TAFA1: variants seen among roughly 807,000 people sequenced by gnomAD.
TAFA1 encodes the protein chemokine-like protein TAFA-1.
A neutral mutation model predicts 18.5 loss-of-function variants in TAFA1; 4 were observed. That is an observed-to-expected ratio of 0.22 (90% CI 0.11 to 0.49). The LOEUF is 0.49. Ranked by LOEUF, TAFA1 falls within the 20% of genes least tolerant of loss-of-function variation. The pLI is 0.98. For synonymous variants in TAFA1, 56 were observed against 55.2 expected (o/e 1.01, Z -0.06); for missense variants, 147 against 169.0 (o/e 0.87, Z 0.72).
chr3:68,165,195 C>G (rs892103345), intron 2 of TAFA1, among the ~76,000 whole-genome samples: 1 of 152,188 alleles, frequency 6.6e-6, no homozygotes, highest in African/African-American at 2.4e-5. Flanking sequence ...ATGAGTGACT[C>G]TCTGTATCAA....
intron 2 of TAFA1, among the ~76,000 whole-genome samples, chr3:68,019,940 C>G (rs1704653333): frequency 6.6e-6 from 1 of 152,174 alleles, no homozygotes; most frequent in Non-Finnish European, 1.5e-5. Context: ...ACCTCTGAAT[C>G]CTTCCAAGCA....
intron 2 of TAFA1, among the ~76,000 whole-genome samples, chr3:68,119,546 A>G (rs74567908): frequency 0.023 from 3,467 of 150,256 alleles, 47 homozygotes; most frequent in Middle Eastern, 0.041. Context: ...ATTTTTGTAT[A>G]TGGTATATGG....
At chr3:68,198,588 T>C (rs2066438581) in intron 2 of TAFA1, among the ~76,000 whole-genome samples, 2 of 146,826 alleles carry the variant, frequency 1.4e-5, no homozygotes, top group South Asian at 2.2e-4. Context: ...TGTAGTAATA[T>C]CTAATTTTTT....
intron 2 of TAFA1, among the ~76,000 whole-genome samples, chr3:68,289,235 TAACA>T (rs1355801330): frequency 6.6e-6 from 1 of 152,242 alleles, no homozygotes; most frequent in African/African-American, 2.4e-5. Context: ...TTATTTGTAT[TAACA>T]AAAGCCCACT....
At chr3:68,084,574 G>T (rs571503858) in intron 2 of TAFA1, among the ~76,000 whole-genome samples, 1 of 152,116 alleles carries the variant, frequency 6.6e-6, no homozygotes, top group East Asian at 1.9e-4. Context: ...GAGGCGGGTG[G>T]ATCACCTGAG....
intron 2 of TAFA1, among the ~76,000 whole-genome samples, chr3:68,031,076 A>C (rs1575582746): frequency 6.6e-6 from 1 of 152,280 alleles, no homozygotes; most frequent in African/African-American, 2.4e-5. Flanking sequence ...ATCAGTTTCA[A>C]GTTTTGGGAT....
chr3:68,353,541 A>G (rs1276603420), intron 2 of TAFA1, among the ~76,000 whole-genome samples: 1 of 152,032 alleles, frequency 6.6e-6, no homozygotes, highest in African/African-American at 2.4e-5. Flanking sequence ...GGACAAGTAT[A>G]TCATTTTGTA....
intron 2 of TAFA1, among the ~76,000 whole-genome samples, chr3:68,264,140 G>C (rs1200449395): frequency 3.3e-5 from 5 of 151,986 alleles, no homozygotes; most frequent in Admixed American, 6.6e-5. Context: ...CATGGTGGTA[G>C]GCACCTGTAA....
At chr3:68,250,742 T>C (rs2107161384) in intron 2 of TAFA1, 1 of 151,952 alleles carries the variant, frequency 6.6e-6, no homozygotes, top group Admixed American at 6.6e-5. Flanking sequence ...ATTAGCTAAA[T>C]TGGGCAAGCC....
intron 2 of TAFA1, among the ~76,000 whole-genome samples, chr3:68,007,160 T>C (rs1252546922): frequency 6.6e-6 from 1 of 152,220 alleles, no homozygotes; most frequent in Admixed American, 6.5e-5. Flanking sequence ...AAGCAAGTTG[T>C]CAATGAAAAA....
intron 2 of TAFA1, among the ~76,000 whole-genome samples, chr3:68,404,538 G>A (rs527746215): frequency 1.1e-3 from 165 of 152,224 alleles, no homozygotes; most frequent in South Asian, 3.3e-3. Flanking sequence ...GGTGGCTCAC[G>A]CCTATAATCT....
intron 3 of TAFA1, among the ~76,000 whole-genome samples, chr3:68,436,047 G>C (rs2071263595): frequency 6.6e-6 from 1 of 152,174 alleles, no homozygotes; most frequent in Non-Finnish European, 1.5e-5. Flanking sequence ...AACCAGAGTT[G>C]AGAACCAAAG....
At chr3:68,050,694 T>A (rs548346249) in intron 2 of TAFA1, among the ~76,000 whole-genome samples, 1 of 152,236 alleles carries the variant, frequency 6.6e-6, no homozygotes, top group African/African-American at 2.4e-5. Flanking sequence ...GAGGCCAGAT[T>A]TTCAGCTTCT....
intron 2 of TAFA1, among the ~76,000 whole-genome samples, chr3:68,082,992 T>G (rs2064923552): frequency 6.6e-6 from 1 of 152,240 alleles, no homozygotes; most frequent in African/African-American, 2.4e-5. Context: ...AGAATGCATT[T>G]AACATTTAAT....
At chr3:68,055,310 G>T (rs924257233) in intron 2 of TAFA1, among the ~76,000 whole-genome samples, 2 of 151,984 alleles carry the variant, frequency 1.3e-5, no homozygotes, top group Non-Finnish European at 2.9e-5. Context: ...GTATGCGGGG[G>T]GCAAGAGGTG....
rs576603536 is a variant in TAFA1, at chr3:68,248,882, C to A, written c.119-168398C>A. On this transcript the variant is annotated intron_variant, in intron 2 of 4. Coordinates refer to ENST00000478136, the MANE Select transcript of TAFA1 (RefSeq NM_213609.4). ...AGTTTTCCTGTCCAGCCCACAGCCA[C>A]TGGACTGTAGGAAGGCGAATATGTT... Among the ~76,000 whole-genome samples the A allele has an allele frequency of 3.9e-5, 6 of 152,170 alleles. No individual in the cohort carries two copies. The East Asian group carries it at 9.7e-4, about 25-fold the overall frequency.
the TAFA1 span, among the ~76,000 whole-genome samples, chr3:67,998,442 C>T: frequency 6.6e-6 from 1 of 152,122 alleles, no homozygotes; most frequent in African/African-American, 2.4e-5. Context: ...GGGATGCTCT[C>T]CTGAGTTAGG....
At chr3:68,126,644 G>A (rs1240580994) in intron 2 of TAFA1, among the ~76,000 whole-genome samples, 1 of 152,208 alleles carries the variant, frequency 6.6e-6, no homozygotes, top group Admixed American at 6.5e-5. Flanking sequence ...GAACTATTTG[G>A]TACACACCTT....
chr3:68,006,336 T>G (rs968704640), intron 1 of TAFA1: 4 of 331,602 alleles, frequency 1.2e-5, no homozygotes, highest in Admixed American at 1.1e-4. Context: ...TTAGTCAGCA[T>G]GCATTGTTTT....
Sources: allele counts gnomAD v4.1 joint callset (sites outside exome capture counted in the v4.1 genomes callset), GRCh38; gene constraint gnomAD v4.1.1; transcripts MANE v1.5; gene names NCBI Gene and HGNC (gene_info 2026-07-23, HGNC 2026-07-21).